ASIC2: variants seen among roughly 807,000 people sequenced by gnomAD.
ASIC2 encodes the protein acid sensing ion channel subunit 2.
In ASIC2, 25 loss-of-function variants were observed where a neutral mutation model predicts 57.3. That is an observed-to-expected ratio of 0.44 (90% CI 0.32 to 0.61). ASIC2 has a LOEUF of 0.61. Ranked by LOEUF, ASIC2 falls within the 20% of genes least tolerant of loss-of-function variation. The pLI is 0.06. For missense variants in ASIC2, 641 were observed against 738.1 expected, an observed-to-expected ratio of 0.87 and a Z score of 1.52; for synonymous variants, 319 against 307.5, an observed-to-expected ratio of 1.04 and a Z score of -0.39.
intron 1 of ASIC2, among the ~76,000 whole-genome samples, chr17:33,919,505 C>G (rs73274524): frequency 0.011 from 1,746 of 152,148 alleles, 36 homozygotes; most frequent in African/African-American, 0.041. Context: ...TTACCATATA[C>G]AAAAATTAAC....
At chr17:33,836,909 T>G (rs1262479479) in intron 1 of ASIC2, among the ~76,000 whole-genome samples, 1 of 152,172 alleles carries the variant, frequency 6.6e-6, no homozygotes, top group East Asian at 1.9e-4. Flanking sequence ...AGATGAAATT[T>G]GAATCTGAAT....
intron 1 of ASIC2, chr17:34,072,434 A>C (rs2142069450): frequency 6.6e-6 from 1 of 152,340 alleles, no homozygotes; most frequent in South Asian, 2.1e-4. Flanking sequence ...AGGCTAGATA[A>C]ATTTTTAAGG....
chr17:33,464,476 T>TTTC (rs776208903), intron 1 of ASIC2, among the ~76,000 whole-genome samples: 3,447 of 68,818 alleles, frequency 0.05, 66 homozygotes, highest in Admixed American at 0.065. Context: ...TCTTTCTTTC[T>TTTC]TTTCTCTCTT....
intron 1 of ASIC2, among the ~76,000 whole-genome samples, chr17:33,719,284 T>A (rs1909314532): frequency 6.6e-6 from 1 of 152,168 alleles, no homozygotes; most frequent in Non-Finnish European, 1.5e-5. Context: ...CAGAGAGGGC[T>A]TGGTGACCAG....
chr17:34,099,411 G>T (rs1033257564), intron 1 of ASIC2, among the ~76,000 whole-genome samples: 1 of 127,144 alleles, frequency 7.9e-6, no homozygotes, highest in Non-Finnish European at 1.6e-5. Context: ...AGGAAGGAAG[G>T]AAAGAAAGAA....
intron 1 of ASIC2, among the ~76,000 whole-genome samples, chr17:33,620,211 A>G (rs1905740694): frequency 7.0e-6 from 1 of 142,288 alleles, no homozygotes; most frequent in African/African-American, 2.6e-5. Context: ...AAAATATCTG[A>G]GTAGAATGGG....
chr17:33,437,164 C>T (rs1911654166), intron 1 of ASIC2, among the ~76,000 whole-genome samples: 1 of 151,942 alleles, frequency 6.6e-6, no homozygotes, highest in South Asian at 2.1e-4. Flanking sequence ...CGCGCCCGGC[C>T]CCAACTTCTT....
chr17:33,760,164 CAA>C (rs35440192), intron 1 of ASIC2, among the ~76,000 whole-genome samples: 3 of 149,360 alleles, frequency 2.0e-5, no homozygotes, highest in Non-Finnish European at 3.0e-5. Flanking sequence ...TATAATGACT[CAA>C]AAAAAAATGG....
At chr17:34,038,194 A>G in intron 1 of ASIC2, 1 of 1,612,556 alleles carries the variant, frequency 6.2e-7, no homozygotes, top group Non-Finnish European at 8.5e-7. Flanking sequence ...GTTTTATTTC[A>G]TTTAAGTACT....
chr17:33,999,412 C>A (rs1906264591), intron 1 of ASIC2, among the ~76,000 whole-genome samples: 1 of 152,072 alleles, frequency 6.6e-6, no homozygotes, highest in Non-Finnish European at 1.5e-5. Flanking sequence ...TAATTGATTT[C>A]TGATTGTTTT....
intron 1 of ASIC2, among the ~76,000 whole-genome samples, chr17:33,957,960 C>A (rs960839725): frequency 6.6e-6 from 1 of 152,252 alleles, no homozygotes; most frequent in African/African-American, 2.4e-5. Context: ...GGTAAATACA[C>A]TCATTCCGAA....
intron 1 of ASIC2, among the ~76,000 whole-genome samples, chr17:33,652,549 G>A (rs539830011): frequency 6.6e-6 from 1 of 152,300 alleles, no homozygotes; most frequent in East Asian, 1.9e-4. Context: ...AAAGTCACAC[G>A]TTAGTGGCAG....
rs1289790674 is a variant in ASIC2, at chr17:34,038,835, G to T, written c.555+117143C>A. On this transcript the variant is annotated intron_variant, in intron 1 of 9. Coordinates refer to the ASIC2 transcript ENST00000359872. ...GGAGGGGCCTGACCCATGGCAGGAG[G>T]TTTCCGCTTTGCTAACATTTTCCGT... is the stretch of plus-strand genomic sequence containing the variant. 10 of 1,612,310 alleles carry T rather than the reference G, an allele frequency of 6.2e-6. No individual in the cohort carries two copies. The Admixed American group carries it at 1.5e-4, about 24-fold the overall frequency.
intron 1 of ASIC2, among the ~76,000 whole-genome samples, chr17:33,960,195 T>C (rs1318814381): frequency 6.6e-6 from 1 of 152,214 alleles, no homozygotes; most frequent in Non-Finnish European, 1.5e-5. Context: ...TGCAGTGAAG[T>C]GCTAGCCCGC....
At chr17:33,352,611 T>C (rs1272809658) in intron 1 of ASIC2, among the ~76,000 whole-genome samples, 2 of 152,174 alleles carry the variant, frequency 1.3e-5, no homozygotes, top group African/African-American at 4.8e-5. Flanking sequence ...GACCCTGGAT[T>C]GTCCAAACCA....
chr17:33,014,134 G>A, intron 9 of ASIC2, 68 bp from the exon 10 acceptor site: 1 of 1,259,422 alleles, frequency 7.9e-7, no homozygotes, highest in Non-Finnish European at 1.1e-6. Flanking sequence ...GCCACCAGCG[G>A]CCCAGCCTAG....
chr17:33,595,278 T>C (rs1362784250), intron 1 of ASIC2, among the ~76,000 whole-genome samples: 1 of 152,200 alleles, frequency 6.6e-6, no homozygotes, highest in African/African-American at 2.4e-5. Flanking sequence ...CTGTCTGACC[T>C]GAAGTCCGTT....
intron 1 of ASIC2, among the ~76,000 whole-genome samples, chr17:33,624,725 G>A (rs1483388606): frequency 1.3e-5 from 2 of 152,208 alleles, no homozygotes; most frequent in Non-Finnish European, 2.9e-5. Flanking sequence ...TGGGGCACTG[G>A]ATGGTCACTT....
At chr17:33,668,348 G>T (rs138401463) in intron 1 of ASIC2, among the ~76,000 whole-genome samples, 1 of 138,172 alleles carries the variant, frequency 7.2e-6, no homozygotes, top group Non-Finnish European at 1.5e-5. Flanking sequence ...GTGCCAAGAA[G>T]GGCTGCGTTC....
Sources: allele counts gnomAD v4.1 joint callset (sites outside exome capture counted in the v4.1 genomes callset), GRCh38; gene constraint gnomAD v4.1.1; transcripts MANE v1.5; gene names NCBI Gene and HGNC (gene_info 2026-07-23, HGNC 2026-07-21).